Variants in CMSS1 observed in about 807,000 individuals in gnomAD.
The protein encoded by CMSS1 is protein CMSS1.
In CMSS1, 33 loss-of-function variants were observed where a neutral mutation model predicts 43.5. The ratio of observed to expected loss-of-function variants is 0.76; its 90% CI spans 0.57 to 1.01. CMSS1 has a LOEUF of 1.01. Ranked by LOEUF, CMSS1 falls within the 50% of genes least tolerant of loss-of-function variation. The pLI is 0.00. For missense variants in CMSS1, 313 were observed against 326.4 expected (o/e 0.96, Z 0.32); for synonymous variants, 115 against 117.2 (o/e 0.98, Z 0.12).
At chr3:100,047,972 T>C (rs1286920076) in intron 1 of CMSS1, among the ~76,000 whole-genome samples, 2 of 152,198 alleles carry the variant, frequency 1.3e-5, no homozygotes, top group Non-Finnish European at 2.9e-5. Flanking sequence ...TTGTCCCTCC[T>C]ATAGTGTAAA....
rs192013070 is a variant in CMSS1, at chr3:99,839,812, C to G, written c.64+21769C>G. 7.2e-5 allele frequency among the ~76,000 whole-genome samples: 11 copies of G among 152,192 alleles called. No individual in the cohort carries two copies. The East Asian group carries it at 1.9e-3, about 27-fold the overall frequency. Reference sequence around the variant, plus strand: ...TCTTCAGTATAGGTTTTTAAAGTTGCTTTGAGGCTTATGTTTCATCAGATT... The same window carrying G: ...TCTTCAGTATAGGTTTTTAAAGTTGGTTTGAGGCTTATGTTTCATCAGATT... On this transcript the variant is annotated intron_variant, in intron 1 of 9. Transcript: ENST00000421999.
intron 1 of CMSS1, among the ~76,000 whole-genome samples, chr3:99,884,019 C>G (rs1705815210): frequency 6.6e-6 from 1 of 152,148 alleles, no homozygotes; most frequent in African/African-American, 2.4e-5. Context: ...TTGTACTTCT[C>G]TCATCTGCTA....
chr3:100,064,897 G>T (rs938381126), intron 1 of CMSS1, among the ~76,000 whole-genome samples: 2 of 152,062 alleles, frequency 1.3e-5, no homozygotes, highest in African/African-American at 2.4e-5. Flanking sequence ...GGGGTGGTGG[G>T]GCAGGGGGAC....
intron 1 of CMSS1, among the ~76,000 whole-genome samples, chr3:99,851,276 G>A (rs1167449974): frequency 1.3e-5 from 2 of 152,164 alleles, no homozygotes; most frequent in East Asian, 3.8e-4. Flanking sequence ...CCATTGATCA[G>A]TAACAGCTGC....
At chr3:100,129,818 C>T (rs985557498) in intron 1 of CMSS1, among the ~76,000 whole-genome samples, 5 of 152,128 alleles carry the variant, frequency 3.3e-5, no homozygotes, top group Admixed American at 2.0e-4. Flanking sequence ...ATCTAAAATT[C>T]GTTTTACTAA....
At chr3:99,825,015 A>G (rs961421674) in intron 1 of CMSS1, among the ~76,000 whole-genome samples, 1 of 152,184 alleles carries the variant, frequency 6.6e-6, no homozygotes, top group Non-Finnish European at 1.5e-5. Flanking sequence ...CCAAGTACCC[A>G]GGTTTTTTTG....
At chr3:100,019,317 G>A (rs1400759209) in intron 1 of CMSS1, among the ~76,000 whole-genome samples, 6 of 152,132 alleles carry the variant, frequency 3.9e-5, no homozygotes, top group Non-Finnish European at 8.8e-5. Context: ...CTATGATCAT[G>A]CCACTGCACT....
intron 1 of CMSS1, among the ~76,000 whole-genome samples, chr3:99,829,617 C>T (rs1478465652): frequency 6.6e-6 from 1 of 151,282 alleles, no homozygotes; most frequent in Non-Finnish European, 1.5e-5. Context: ...TTTGAGTCTC[C>T]TAACCCCAAG....
chr3:100,013,212 A>AGGT (rs1232275173), intron 1 of CMSS1, among the ~76,000 whole-genome samples: 37 of 127,514 alleles, frequency 2.9e-4, no homozygotes, highest in South Asian at 5.4e-4. Context: ...AAGGCCAGTG[A>AGGT]GGTGTTGTTG....
rs111912083 is a variant in CMSS1, at chr3:100,145,447, CA to C, written c.65-1514del. 1.2e-3 allele frequency among the ~76,000 whole-genome samples: 167 copies of C among 137,344 alleles called. 1 individual carries two copies. The highest frequency in any genetic ancestry group is 2.8e-3 in the African/African-American group (106 of 37,566). The allele number at this position is 137,344 out of a possible 152,430, so 90.1% of individuals were successfully genotyped here. A position where few individuals can be genotyped will look rare whatever the true frequency, so the allele number is the denominator to read the frequency against. The stretch of plus-strand genomic sequence containing the variant: ...TGGGCGACAGAGAGAGATTCCGTCT[CA>C]AAAAAAAAAAAGTATACATATTAGT... On this transcript the variant is annotated intron_variant, in intron 1 of 9. Transcript: ENST00000421999.
At chr3:100,160,877 C>T (rs1029400830) in intron 3 of CMSS1, among the ~76,000 whole-genome samples, 5 of 151,994 alleles carry the variant, frequency 3.3e-5, no homozygotes, top group Admixed American at 6.6e-5. Context: ...CTATTCATTC[C>T]GGATTTTAAG....
chr3:100,167,361 A>G (rs2067073523), intron 5 of CMSS1, among the ~76,000 whole-genome samples: 1 of 152,202 alleles, frequency 6.6e-6, no homozygotes, highest in African/African-American at 2.4e-5. Flanking sequence ...GTTCCATTTT[A>G]TATCTTATGT....
intron 1 of CMSS1, among the ~76,000 whole-genome samples, chr3:99,885,634 GCTGA>G (rs1576547586): frequency 1.3e-5 from 2 of 152,186 alleles, no homozygotes; most frequent in African/African-American, 4.8e-5. Context: ...CTGAAAGGTG[GCTGA>G]CTGACTTTTA....
At chr3:100,100,360 T>G (rs1280503616) in intron 1 of CMSS1, among the ~76,000 whole-genome samples, 2 of 152,218 alleles carry the variant, frequency 1.3e-5, no homozygotes, top group Non-Finnish European at 2.9e-5. Context: ...GAATGTACCA[T>G]GTACTATACT....
intron 1 of CMSS1, among the ~76,000 whole-genome samples, chr3:99,923,610 C>T (rs899128622): frequency 2.0e-5 from 3 of 152,196 alleles, no homozygotes; most frequent in African/African-American, 7.2e-5. Context: ...CACATCCCCT[C>T]ATCTTTCTCA....
chr3:99,861,922 A>G (rs1488242927), intron 1 of CMSS1, among the ~76,000 whole-genome samples: 1 of 152,188 alleles, frequency 6.6e-6, no homozygotes. Flanking sequence ...CTTCATCTGT[A>G]GAATGGGGAT....
chr3:99,840,165 A>G (rs950569518), intron 1 of CMSS1, among the ~76,000 whole-genome samples: 1 of 152,018 alleles, frequency 6.6e-6, no homozygotes, highest in Non-Finnish European at 1.5e-5. Context: ...AGTTGAAAGA[A>G]TAATGGGGAG....
intron 1 of CMSS1, among the ~76,000 whole-genome samples, chr3:100,007,704 C>T (rs1371282254): frequency 6.6e-6 from 1 of 152,192 alleles, no homozygotes; most frequent in Non-Finnish European, 1.5e-5. Flanking sequence ...ATGGAAGCTA[C>T]AGTATCGTGT....
At chr3:99,824,277 C>T (rs1270004289) in intron 1 of CMSS1, among the ~76,000 whole-genome samples, 1 of 152,144 alleles carries the variant, frequency 6.6e-6, no homozygotes, top group Admixed American at 6.6e-5. Flanking sequence ...CTCAGAGTGG[C>T]GCTTCCTGAT....
Sources: allele counts gnomAD v4.1 joint callset (sites outside exome capture counted in the v4.1 genomes callset), GRCh38; gene constraint gnomAD v4.1.1; transcripts MANE v1.5; gene names NCBI Gene and HGNC (gene_info 2026-07-23, HGNC 2026-07-21).